Variants in LHFPL3 observed in about 807,000 individuals in gnomAD.
The protein encoded by LHFPL3 is LHFPL tetraspan subfamily member 3 protein.
A neutral mutation model predicts 19.3 loss-of-function variants in LHFPL3; 5 were observed. The ratio of observed to expected loss-of-function variants is 0.26; its 90% confidence interval spans 0.14 to 0.54. The LOEUF is 0.54. LHFPL3 is among the 20% of genes least tolerant of loss of function. The pLI is 0.94. For missense variants in LHFPL3, 249 were observed against 307.4 expected (o/e 0.81, Z 1.42); for synonymous variants, 133 against 126.2 (o/e 1.05, Z -0.36).
intron 1 of LHFPL3, among the ~76,000 whole-genome samples, chr7:104,371,319 G>A (rs1365528503): frequency 5.3e-5 from 8 of 152,222 alleles, no homozygotes; most frequent in African/African-American, 1.9e-4. Context: ...TAACTGGCAA[G>A]GACACGTGGT....
At chr7:104,868,846 C>G (rs991459382) in intron 2 of LHFPL3, among the ~76,000 whole-genome samples, 11 of 152,110 alleles carry the variant, frequency 7.2e-5, no homozygotes, top group Admixed American at 6.5e-4. Flanking sequence ...CTACAGTAAC[C>G]AAAACAGCAT....
At chr7:104,585,479 A>AC (rs879642729) in intron 1 of LHFPL3, among the ~76,000 whole-genome samples, 1,338 of 132,170 alleles carry the variant, frequency 0.01, 16 homozygotes, top group South Asian at 0.055. Flanking sequence ...CAACACACAC[A>AC]AACACACACA....
At chr7:104,446,350 C>T (rs949259501) in intron 1 of LHFPL3, among the ~76,000 whole-genome samples, 3 of 152,128 alleles carry the variant, frequency 2.0e-5, no homozygotes, top group Non-Finnish European at 1.5e-5. Context: ...TTACAGAACA[C>T]ACTCCTTCAA....
intron 1 of LHFPL3, among the ~76,000 whole-genome samples, chr7:104,734,227 G>T (rs923504974): frequency 4.6e-5 from 7 of 152,116 alleles, no homozygotes; most frequent in Admixed American, 1.3e-4. Context: ...GAGTATCTTT[G>T]TGGCATTCTC....
intron 1 of LHFPL3, among the ~76,000 whole-genome samples, chr7:104,517,237 C>A (rs990858718): frequency 2.0e-5 from 3 of 151,960 alleles, no homozygotes; most frequent in Non-Finnish European, 2.9e-5. Flanking sequence ...TACAACAAAC[C>A]CCCATGACAC....
chr7:104,716,282 G>T (rs1793384874), intron 1 of LHFPL3, among the ~76,000 whole-genome samples: 1 of 152,032 alleles, frequency 6.6e-6, no homozygotes, highest in Non-Finnish European at 1.5e-5. Context: ...AAGAGGCAAA[G>T]GTTGCAGTGA....
chr7:104,767,282 C>G (rs1035228716), intron 2 of LHFPL3, among the ~76,000 whole-genome samples: 4 of 152,196 alleles, frequency 2.6e-5, no homozygotes, highest in Admixed American at 6.5e-5. Flanking sequence ...TTTGGCCCTG[C>G]AATCAGGGAA....
intron 1 of LHFPL3, among the ~76,000 whole-genome samples, chr7:104,351,527 G>A (rs1790174125): frequency 1.3e-5 from 2 of 152,186 alleles, no homozygotes; most frequent in African/African-American, 4.8e-5. Context: ...TAGACCAGAA[G>A]TCACTATATG....
chr7:104,552,479 A>ACAT (rs919334454), intron 1 of LHFPL3, among the ~76,000 whole-genome samples: 4 of 152,178 alleles, frequency 2.6e-5, no homozygotes, highest in African/African-American at 9.7e-5. Context: ...ATCTGCAGAG[A>ACAT]CATTGCAAGG....
At position 104,835,582 on chromosome 7, in the gene LHFPL3, TC is replaced by T. The variant is rs1381494999; in HGVS notation, c.683-70604del. 5.8e-4 allele frequency among the ~76,000 whole-genome samples: 39 copies of T among 66,778 alleles called. 2 individuals are homozygous for T. Among genetic ancestry groups the T allele is most frequent in the African/African-American group, 1.5e-3 (38 of 25,680 alleles). 43.8% of individuals were successfully genotyped at this position (66,778 alleles called of 152,430 possible). A position where few individuals can be genotyped will look rare whatever the true frequency, so the allele number is the denominator to read the frequency against. ...ATTCCTGTTCTCCAGAACTTTGTTT[TC>T]TTTTTTTTTTTTTGAGATGAAGACA... is the stretch of plus-strand genomic sequence containing the variant. On this transcript the variant is annotated intron_variant, in intron 2 of 2. Coordinates refer to ENST00000424859, the MANE Select transcript of LHFPL3 (RefSeq NM_199000.3).
At chr7:104,474,494 C>T (rs1047773299) in intron 1 of LHFPL3, among the ~76,000 whole-genome samples, 5 of 151,864 alleles carry the variant, frequency 3.3e-5, no homozygotes, top group Admixed American at 2.6e-4. Flanking sequence ...GAAACCCTGT[C>T]TCTACTAAAA....
chr7:104,834,608 A>C (rs1368075363), intron 2 of LHFPL3, among the ~76,000 whole-genome samples: 1 of 152,032 alleles, frequency 6.6e-6, no homozygotes, highest in Non-Finnish European at 1.5e-5. Flanking sequence ...GGAGACAAAC[A>C]CATACAAAGG....
At chr7:104,553,752 T>A (rs1443475429) in intron 1 of LHFPL3, among the ~76,000 whole-genome samples, 2 of 152,178 alleles carry the variant, frequency 1.3e-5, no homozygotes, top group Non-Finnish European at 2.9e-5. Flanking sequence ...GCAAGTCCCC[T>A]CTTTTGCCAT....
intron 1 of LHFPL3, among the ~76,000 whole-genome samples, chr7:104,625,699 C>T (rs566299819): frequency 6.6e-6 from 1 of 152,294 alleles, no homozygotes; most frequent in African/African-American, 2.4e-5. Flanking sequence ...CTGCCCTCCA[C>T]CTCCAAATTG....
intron 1 of LHFPL3, among the ~76,000 whole-genome samples, chr7:104,600,997 T>C (rs150933053): frequency 6.6e-6 from 1 of 152,334 alleles, no homozygotes; most frequent in Non-Finnish European, 1.5e-5. Context: ...ATAAGCCAAT[T>C]AATTGCCCAA....
rs10269954 is a variant in LHFPL3, at chr7:104,570,208, C to A, written c.446-166467C>A. Among the ~76,000 whole-genome samples the A allele has an allele frequency of 6.8e-3, 1,032 of 152,280 alleles. 11 individuals carry two copies. Among genetic ancestry groups the A allele is most frequent in the African/African-American group, 0.023 (950 of 41,560 alleles). ...GTCTATATTGATTGATTGATTGAAG[C>A]CTTCCTATTTCCATCTTTTGCCTGC... On this transcript the variant is annotated intron_variant, in intron 1 of 2. Transcript: ENST00000424859.
chr7:104,559,978 A>G (rs1477511930), intron 1 of LHFPL3, among the ~76,000 whole-genome samples: 5 of 150,432 alleles, frequency 3.3e-5, no homozygotes. Flanking sequence ...ATGCTGGATT[A>G]CATTTATTGA....
At chr7:104,703,042 A>G (rs1195005423) in intron 1 of LHFPL3, among the ~76,000 whole-genome samples, 1 of 152,150 alleles carries the variant, frequency 6.6e-6, no homozygotes, top group African/African-American at 2.4e-5. Context: ...AAAGATTTCT[A>G]TTTCTTCTAG....
At chr7:104,725,778 G>A (rs746830210) in intron 1 of LHFPL3, among the ~76,000 whole-genome samples, 5 of 152,084 alleles carry the variant, frequency 3.3e-5, no homozygotes, top group African/African-American at 4.8e-5. Flanking sequence ...TCGGCAGGGC[G>A]CGGTGGCTTA....
Sources: allele counts gnomAD v4.1 joint callset (sites outside exome capture counted in the v4.1 genomes callset), GRCh38; gene constraint gnomAD v4.1.1; transcripts MANE v1.5; gene names NCBI Gene and HGNC (gene_info 2026-07-23, HGNC 2026-07-21).